Variants in HIVEP3 observed in about 807,000 individuals in gnomAD.
The protein encoded by HIVEP3 is HIVEP zinc finger 3, also known as transcription factor HIVEP3.
A neutral mutation model predicts 152.8 loss-of-function variants in HIVEP3; 49 were observed. The ratio of observed to expected loss-of-function variants is 0.32; its 90% CI spans 0.26 to 0.41. HIVEP3 has a LOEUF of 0.41. Ranked by LOEUF, HIVEP3 falls within the 10% of genes least tolerant of loss-of-function variation. HIVEP3 has a pLI of 1.00. For missense variants in HIVEP3, 2,790 were observed against 3,103.3 expected (o/e 0.90, Z 2.40); for synonymous variants, 1,269 against 1,289.0 (o/e 0.98, Z 0.33).
intron 1 of HIVEP3, among the ~76,000 whole-genome samples, chr1:41,755,211 T>C (rs1035040502): frequency 6.6e-6 from 1 of 151,534 alleles, no homozygotes; most frequent in Non-Finnish European, 1.5e-5. Context: ...GGAAGCATAG[T>C]TTTTTTTTAA....
chr1:41,659,125 G>C (rs1645673621), intron 2 of HIVEP3, among the ~76,000 whole-genome samples: 1 of 152,340 alleles, frequency 6.6e-6, no homozygotes, highest in Non-Finnish European at 1.5e-5. Context: ...CGAACTGCAA[G>C]TATGGCCTCT....
At chr1:41,880,510 C>A (rs1159037331) in intron 1 of HIVEP3, among the ~76,000 whole-genome samples, 1 of 152,228 alleles carries the variant, frequency 6.6e-6, no homozygotes, top group South Asian at 2.1e-4. Context: ...TCTAGATACA[C>A]CACGTTTGTA....
chr1:41,883,661 G>A (rs1301031520), intron 1 of HIVEP3, among the ~76,000 whole-genome samples: 3 of 152,198 alleles, frequency 2.0e-5, no homozygotes, highest in Non-Finnish European at 4.4e-5. Flanking sequence ...CCCCCTCAAT[G>A]CCTGTCAGAG....
chr1:41,843,880 A>T (rs150895029), intron 1 of HIVEP3, among the ~76,000 whole-genome samples: 2,492 of 152,162 alleles, frequency 0.016, 39 homozygotes, highest in Non-Finnish European at 0.021. Context: ...AACATTAGGT[A>T]TGTCTCCAAA....
At chr1:41,622,706 A>G (rs1645063888) in intron 3 of HIVEP3, among the ~76,000 whole-genome samples, 1 of 152,198 alleles carries the variant, frequency 6.6e-6, no homozygotes, top group South Asian at 2.1e-4. Context: ...AGCAGCAGAT[A>G]GCAGGGTCAG....
chr1:41,929,724 TTTTATATATATATA>T (rs796398300), intron 1 of HIVEP3, among the ~76,000 whole-genome samples: 4,925 of 30,582 alleles, frequency 0.16, 552 homozygotes, highest in African/African-American at 0.27. Flanking sequence ...GTATATGTGT[TTTTATATATATATA>T]TATATATATA....
chr1:41,973,616 A>G (rs1004188769), intron 1 of HIVEP3, among the ~76,000 whole-genome samples: 7 of 152,228 alleles, frequency 4.6e-5, no homozygotes, highest in African/African-American at 1.4e-4. Flanking sequence ...TTGTAGCCCA[A>G]TCACAGAAGT....
Position 41,628,872 on chromosome 1 carries a change from G to A in HIVEP3, c.-645C>T, listed in dbSNP as rs1645154565. On this transcript the variant is annotated 5_prime_UTR_variant, in exon 3 of 9. Transcript: ENST00000372583. ...AGGCGCCGCTCTTCCCACCAGAGGGGCGGGCTTGCTTGGCCAGGACCCCGC... is the reference window on the plus strand; with the variant it reads ...AGGCGCCGCTCTTCCCACCAGAGGGACGGGCTTGCTTGGCCAGGACCCCGC... 8.1e-7 allele frequency: 1 copy of A among 1,232,060 alleles called. No individual in the cohort carries two copies. The highest frequency in any genetic ancestry group is 1.0e-6 in the Non-Finnish European group (1 of 987,960). The allele number at this position is 1,232,060 out of a possible 1,614,324, so 76.3% of individuals were successfully genotyped here. A position where few individuals can be genotyped will look rare whatever the true frequency, so the allele number is the denominator to read the frequency against.
intron 1 of HIVEP3, among the ~76,000 whole-genome samples, chr1:41,890,766 T>C (rs7518754): frequency 0.022 from 3,371 of 152,252 alleles, 68 homozygotes; most frequent in Middle Eastern, 0.027. Flanking sequence ...TGAAGGGCAA[T>C]TGTCTATAAC....
chr1:42,004,034 C>T (rs576981563), intron 1 of HIVEP3, among the ~76,000 whole-genome samples: 2 of 152,340 alleles, frequency 1.3e-5, no homozygotes, highest in South Asian at 2.1e-4. Flanking sequence ...CCCCTCCACA[C>T]TGCAACTGCC....
At position 41,851,289 on chromosome 1, in the gene HIVEP3, CTTTTTTTTTTTTTTTTTTTTTT is replaced by C. The variant is rs34180186; in HGVS notation, c.-801+67102_-801+67123del. Among the ~76,000 whole-genome samples the C allele has an allele frequency of 3.3e-4, 20 of 59,760 alleles. 1 individual carries two copies. The highest frequency in any genetic ancestry group is 1.4e-3 in the African/African-American group (20 of 14,014). 39.2% of individuals were successfully genotyped at this position (59,760 alleles called of 152,430 possible). ...GATGAGAGAGCACCTTCTTCTTCTTCTTTTTTTTTTTTTTTTTTTTTTTTTTTTTTTTGAGACAGAGTCTTGC... is the reference window on the plus strand; with the variant it reads ...GATGAGAGAGCACCTTCTTCTTCTTCTTTTTTTTTTGAGACAGAGTCTTGC... On this transcript the variant is annotated intron_variant, in intron 1 of 8. Coordinates refer to ENST00000372583, the MANE Select transcript of HIVEP3 (RefSeq NM_024503.5).
intron 1 of HIVEP3, among the ~76,000 whole-genome samples, chr1:41,939,011 C>G (rs1468604357): frequency 6.6e-6 from 1 of 152,184 alleles, no homozygotes; most frequent in Non-Finnish European, 1.5e-5. Context: ...TGCCACTACC[C>G]TGCTTGCTTA....
intron 1 of HIVEP3, among the ~76,000 whole-genome samples, chr1:41,884,033 T>C (rs1384444082): frequency 6.6e-6 from 1 of 152,224 alleles, no homozygotes; most frequent in African/African-American, 2.4e-5. Flanking sequence ...TGGCGAAATC[T>C]TGGCTCACTG....
At chr1:41,544,029 C>A (rs1388022510) in intron 5 of HIVEP3, 1 of 152,102 alleles carries the variant, frequency 6.6e-6, no homozygotes, top group Non-Finnish European at 1.5e-5. Context: ...CCTGACACAG[C>A]CACCAAAGGG....
At chr1:41,893,247 T>G (rs1204236171) in intron 1 of HIVEP3, among the ~76,000 whole-genome samples, 1 of 152,086 alleles carries the variant, frequency 6.6e-6, no homozygotes. Flanking sequence ...GATCCTGGCC[T>G]TCTCTGACCA....
chr1:41,761,467 TGTGA>T (rs1647677143), intron 1 of HIVEP3, among the ~76,000 whole-genome samples: 2 of 151,966 alleles, frequency 1.3e-5, no homozygotes, highest in South Asian at 4.1e-4. Context: ...AGTGCATGGG[TGTGA>T]ATGTGTATGC....
At chr1:41,791,060 C>T (rs1223134632) in intron 1 of HIVEP3, among the ~76,000 whole-genome samples, 1 of 151,966 alleles carries the variant, frequency 6.6e-6, no homozygotes, top group African/African-American at 2.4e-5. Flanking sequence ...ACCCCATTCC[C>T]TCTCCTGTAG....
chr1:41,926,229 T>C (rs775322617), intron 1 of HIVEP3, among the ~76,000 whole-genome samples: 9 of 152,164 alleles, frequency 5.9e-5, no homozygotes, highest in Non-Finnish European at 1.3e-4. Context: ...CATTTTCAAC[T>C]CCCTCGTACT....
At chr1:41,985,813 T>C (rs1294737224) in intron 1 of HIVEP3, among the ~76,000 whole-genome samples, 3 of 152,176 alleles carry the variant, frequency 2.0e-5, no homozygotes, top group African/African-American at 4.8e-5. Context: ...TGTCAGATGC[T>C]TGTCCATGTC....
Sources: allele counts gnomAD v4.1 joint callset (sites outside exome capture counted in the v4.1 genomes callset), GRCh38; gene constraint gnomAD v4.1.1; transcripts MANE v1.5; gene names NCBI Gene and HGNC (gene_info 2026-07-23, HGNC 2026-07-21).